NELL1: variants seen among roughly 807,000 people sequenced by gnomAD.
NELL1 encodes neural EGFL like 1.
Under a neutral mutation model 107.4 loss-of-function variants are expected in NELL1, and 76 were observed. That is an observed-to-expected ratio of 0.71 (90% CI 0.59 to 0.86). NELL1 has a LOEUF of 0.86. Ranked by LOEUF, NELL1 falls within the 40% of genes least tolerant of loss-of-function variation. The probability of loss-of-function intolerance (pLI) is 0.00; values close to 1 mark genes in which losing one functional copy is unlikely to be tolerated. For missense variants in NELL1, 1,024 were observed against 1,005.5 expected, an observed-to-expected ratio of 1.02 and a Z score of -0.25; for synonymous variants, 353 against 341.2, an observed-to-expected ratio of 1.03 and a Z score of -0.38.
chr11:20,785,108 G>C (rs773007235), intron 3 of NELL1, among the ~76,000 whole-genome samples: 4 of 152,188 alleles, frequency 2.6e-5, no homozygotes, highest in Non-Finnish European at 5.9e-5. Context: ...AGTGTGCACA[G>C]TCACAGAGGT....
At position 20,771,651 on chromosome 11, in the gene NELL1, A is replaced by C. The variant is rs150067874; in HGVS notation, c.185-12029A>C. Among the ~76,000 whole-genome samples the C allele has an allele frequency of 3.4e-3, 523 of 152,326 alleles. 1 individual carries two copies. The highest frequency in any genetic ancestry group is 0.012 in the African/African-American group (491 of 41,572). On this transcript the variant is annotated intron_variant, in intron 2 of 19. Transcript: ENST00000357134. ...ACTCTTAGAGCTGTTTGCGTATCAT[A>C]GAGAGGGGATGCCAGCTCTATTTTG...
intron 2 of NELL1, among the ~76,000 whole-genome samples, chr11:20,736,877 C>A (rs1357269064): frequency 6.6e-6 from 1 of 151,900 alleles, no homozygotes; most frequent in African/African-American, 2.4e-5. Context: ...GCCTCAGCCT[C>A]CCGAGTAGCT....
At chr11:21,474,570 G>A (rs141514203) in intron 15 of NELL1, among the ~76,000 whole-genome samples, 46 of 152,196 alleles carry the variant, frequency 3.0e-4, no homozygotes, top group African/African-American at 1.1e-3. Flanking sequence ...ATTTATGCAA[G>A]GTTGCCAGTC....
intron 13 of NELL1, among the ~76,000 whole-genome samples, chr11:21,153,263 A>G (rs1856158663): frequency 6.6e-6 from 1 of 152,116 alleles, no homozygotes; most frequent in Non-Finnish European, 1.5e-5. Flanking sequence ...ACAGGCTTTC[A>G]GAAATGAGAA....
intron 12 of NELL1, among the ~76,000 whole-genome samples, chr11:21,007,145 A>G (rs1852344508): frequency 6.6e-6 from 1 of 152,076 alleles, no homozygotes; most frequent in East Asian, 1.9e-4. Context: ...CCTGTCTCAT[A>G]AGTAGGGAGA....
At chr11:20,989,857 C>T (rs1439030289) in intron 12 of NELL1, among the ~76,000 whole-genome samples, 1 of 151,852 alleles carries the variant, frequency 6.6e-6, no homozygotes, top group African/African-American at 2.4e-5. Context: ...ATTAGCTGGG[C>T]ATGGTGGCGG....
chr11:21,157,234 A>G (rs931426305), intron 13 of NELL1, among the ~76,000 whole-genome samples: 1 of 151,864 alleles, frequency 6.6e-6, no homozygotes, highest in African/African-American at 2.4e-5. Flanking sequence ...ATCCCCATGT[A>G]TTTTTAAATA....
chr11:20,672,970 GCCCCC>G (rs10592573), intron 1 of NELL1, among the ~76,000 whole-genome samples: 18 of 100,910 alleles, frequency 1.8e-4, no homozygotes, highest in African/African-American at 2.4e-4. Context: ...TCCTGCCTCA[GCCCCC>G]CCCCCCCCCC....
chr11:21,010,300 C>A (rs755690488), intron 12 of NELL1, among the ~76,000 whole-genome samples: 1 of 151,968 alleles, frequency 6.6e-6, no homozygotes, highest in Non-Finnish European at 1.5e-5. Context: ...ATATTTTATA[C>A]AATTTTATTT....
intron 13 of NELL1, among the ~76,000 whole-genome samples, chr11:21,114,297 G>A (rs7102201): frequency 0.64 from 97,586 of 151,746 alleles, 31,999 homozygotes; most frequent in Middle Eastern, 0.72. Flanking sequence ...TGGCTTTCCA[G>A]TATATTTTCA....
intron 4 of NELL1, among the ~76,000 whole-genome samples, chr11:20,873,713 G>C (rs569553487): frequency 2.0e-5 from 3 of 151,012 alleles, no homozygotes; most frequent in African/African-American, 7.3e-5. Context: ...GCTCTAGTCT[G>C]ATGATCTTTC....
chr11:21,156,591 C>A (rs1270959845), intron 13 of NELL1, among the ~76,000 whole-genome samples: 5 of 152,040 alleles, frequency 3.3e-5, no homozygotes, highest in African/African-American at 1.2e-4. Context: ...TTGAAGATTC[C>A]TGATGTGGAT....
At chr11:20,717,629 T>C (rs1380899141) in intron 2 of NELL1, among the ~76,000 whole-genome samples, 1 of 152,172 alleles carries the variant, frequency 6.6e-6, no homozygotes, top group Non-Finnish European at 1.5e-5. Flanking sequence ...TGTATCTGGC[T>C]CTTACTCATC....
chr11:21,170,793 A>G (rs1856591183), intron 13 of NELL1, among the ~76,000 whole-genome samples: 1 of 151,438 alleles, frequency 6.6e-6, no homozygotes, highest in South Asian at 2.1e-4. Context: ...TTATCTATAT[A>G]TGACTGCATT....
intron 14 of NELL1, among the ~76,000 whole-genome samples, chr11:21,289,850 C>A (rs1849210438): frequency 6.6e-6 from 1 of 152,108 alleles, no homozygotes; most frequent in Non-Finnish European, 1.5e-5. Context: ...GGCAATTTTC[C>A]CCTCACAGTG....
intron 12 of NELL1, among the ~76,000 whole-genome samples, chr11:21,055,322 T>C (rs192309457): frequency 6.6e-6 from 1 of 152,250 alleles, no homozygotes; most frequent in East Asian, 1.9e-4. Context: ...TCTTCTTTTT[T>C]ATTGATTTTT....
At chr11:21,543,222 A>G (rs1214599490) in intron 16 of NELL1, among the ~76,000 whole-genome samples, 1 of 152,090 alleles carries the variant, frequency 6.6e-6, no homozygotes, top group Non-Finnish European at 1.5e-5. Context: ...GTGTGGTCTC[A>G]TTACTTCAAA....
chr11:21,028,447 T>C (rs1852874056), intron 12 of NELL1, among the ~76,000 whole-genome samples: 1 of 152,174 alleles, frequency 6.6e-6, no homozygotes, highest in South Asian at 2.1e-4. Flanking sequence ...GACTCCATGC[T>C]GAAGACCTAA....
chr11:21,166,247 TG>T (rs1284803362), intron 13 of NELL1, among the ~76,000 whole-genome samples: 5 of 149,706 alleles, frequency 3.3e-5, no homozygotes, highest in Non-Finnish European at 5.9e-5. Flanking sequence ...GTTGGAGGAG[TG>T]GGGGTGAGAA....
Sources: allele counts gnomAD v4.1 joint callset (sites outside exome capture counted in the v4.1 genomes callset), GRCh38; gene constraint gnomAD v4.1.1; transcripts MANE v1.5; gene names NCBI Gene and HGNC (gene_info 2026-07-23, HGNC 2026-07-21).